Variants in OSBP2 observed in about 807,000 individuals in gnomAD.
OSBP2 encodes the protein oxysterol-binding protein 2.
Under a neutral mutation model 96.0 loss-of-function variants are expected in OSBP2, and 66 were observed. The observed-to-expected ratio is 0.69, with a 90% CI of 0.56 to 0.84. The LOEUF is 0.84. Among genes scored for constraint, OSBP2 ranks in the 40% least tolerant of loss-of-function variants. The pLI, the probability that OSBP2 is intolerant of heterozygous loss-of-function variation, is 0.00. For missense variants in OSBP2, 1,038 were observed against 1,222.7 expected (o/e 0.85, Z 2.25); for synonymous variants, 525 against 520.9 (o/e 1.01, Z -0.11).
At chr22:30,715,044 G>A (rs2089424713) in intron 1 of OSBP2, among the ~76,000 whole-genome samples, 1 of 151,764 alleles carries the variant, frequency 6.6e-6, no homozygotes, top group African/African-American at 2.4e-5. Flanking sequence ...CATTCCCACT[G>A]AAAATGTTTC....
At chr22:30,798,888 T>G (rs2090804681) in intron 2 of OSBP2, among the ~76,000 whole-genome samples, 1 of 151,912 alleles carries the variant, frequency 6.6e-6, no homozygotes, top group African/African-American at 2.4e-5. Context: ...GTGGCACACG[T>G]CTGTAGTCCC....
chr22:30,709,885 CT>C (rs1005643833), intron 1 of OSBP2, among the ~76,000 whole-genome samples: 121 of 141,752 alleles, frequency 8.5e-4, no homozygotes, highest in Middle Eastern at 7.7e-3. Context: ...GGCAGGGATA[CT>C]TTTTTTTTTT....
chr22:30,876,563 C>T (rs577797758), intron 3 of OSBP2, among the ~76,000 whole-genome samples: 13 of 152,332 alleles, frequency 8.5e-5, no homozygotes, highest in African/African-American at 3.1e-4. Context: ...AGCAGCCTCT[C>T]CCGACCCGTT....
At chr22:30,726,178 T>G (rs2089647666) in intron 1 of OSBP2, among the ~76,000 whole-genome samples, 1 of 152,218 alleles carries the variant, frequency 6.6e-6, no homozygotes, top group Non-Finnish European at 1.5e-5. Context: ...TCTCATCCTA[T>G]GTCTGTGTAA....
chr22:30,836,260 C>T (rs1009131345), intron 2 of OSBP2, among the ~76,000 whole-genome samples: 2 of 152,298 alleles, frequency 1.3e-5, no homozygotes, highest in East Asian at 1.9e-4. Flanking sequence ...TCCCCCTGCT[C>T]GCTTATCAGG....
At chr22:30,859,673 G>C (rs577967024) in intron 2 of OSBP2, among the ~76,000 whole-genome samples, 1 of 152,226 alleles carries the variant, frequency 6.6e-6, no homozygotes, top group Non-Finnish European at 1.5e-5. Flanking sequence ...CTATAACCAG[G>C]TGTAATATGG....
At chr22:30,763,911 G>A (rs1243327498) in intron 2 of OSBP2, among the ~76,000 whole-genome samples, 3 of 152,200 alleles carry the variant, frequency 2.0e-5, no homozygotes, top group Admixed American at 1.3e-4. Context: ...TCAGAAAAGA[G>A]ATAGTATCCT....
At chr22:30,752,256 A>G (rs1434863469) in intron 2 of OSBP2, among the ~76,000 whole-genome samples, 1 of 71,698 alleles carries the variant, frequency 1.4e-5, no homozygotes, top group Middle Eastern at 0.014. Context: ...AGGAATACTT[A>G]TTTCCAGGCC....
In OSBP2 at chr22:30,889,476, C is replaced by T. The variant is rs762626801; in HGVS notation, c.1477-14C>T. On this transcript the variant is annotated splice_polypyrimidine_tract_variant and intron_variant, in intron 6 of 13. Transcript: ENST00000332585. ...CCTCTGCTGACGGTGAGGGGGTCCC[C>T]ACTTATGTGGCAGGTACTAGATGGT... The T allele has an allele frequency of 6.2e-7, 1 of 1,614,002 alleles. No homozygotes were observed. Among genetic ancestry groups the T allele is most frequent in the Non-Finnish European group, 8.5e-7 (1 of 1,179,978 alleles).
At chr22:30,806,311 C>G (rs565669141) in intron 2 of OSBP2, among the ~76,000 whole-genome samples, 8 of 152,332 alleles carry the variant, frequency 5.3e-5, no homozygotes, top group African/African-American at 1.7e-4. Context: ...TCTCTCCTCA[C>G]ATTGGGGTGA....
chr22:30,890,084 C>G lies in OSBP2; in HGVS notation c.1623+448C>G, dbSNP rs1047059122. 1.3e-5 allele frequency among the ~76,000 whole-genome samples: 2 copies of G among 152,220 alleles called. No homozygotes were observed. The highest frequency in any genetic ancestry group is 4.8e-5 in the African/African-American group (2 of 41,454). On this transcript the variant is annotated intron_variant, in intron 7 of 13. Transcript: ENST00000332585. The surrounding 1 kb of genome is among the most constrained non-coding windows in gnomAD (Gnocchi z 4.4). ...CCACCTGGCTACAGTGGCATCTCCA[C>G]TAGGCCAGACGGTTCTGCTGTGTGA...
At chr22:30,827,593 T>C (rs2038430348) in intron 2 of OSBP2, among the ~76,000 whole-genome samples, 1 of 152,186 alleles carries the variant, frequency 6.6e-6, no homozygotes, top group Non-Finnish European at 1.5e-5. Flanking sequence ...AACAGACCTG[T>C]TGGGGAAGTG....
intron 2 of OSBP2, among the ~76,000 whole-genome samples, chr22:30,830,778 G>A (rs909139274): frequency 2.0e-5 from 3 of 152,062 alleles, no homozygotes; most frequent in Non-Finnish European, 4.4e-5. Context: ...ATGTTCAAGA[G>A]CATGGCGTTT....
intron 2 of OSBP2, among the ~76,000 whole-genome samples, chr22:30,806,541 T>G (rs891974672): frequency 1.3e-5 from 2 of 152,150 alleles, no homozygotes; most frequent in African/African-American, 4.8e-5. Context: ...GGAAATCAAC[T>G]AGGCCAACCT....
chr22:30,783,921 T>C (rs996813128), intron 2 of OSBP2, among the ~76,000 whole-genome samples: 1 of 152,328 alleles, frequency 6.6e-6, no homozygotes, highest in East Asian at 1.9e-4. Context: ...GAAATGCCCA[T>C]TGTAATCACT....
At chr22:30,774,659 C>A (rs1044149781) in intron 2 of OSBP2, among the ~76,000 whole-genome samples, 1 of 152,188 alleles carries the variant, frequency 6.6e-6, no homozygotes, top group Non-Finnish European at 1.5e-5. Flanking sequence ...TGCAAGAATT[C>A]CGGACAATCT....
intron 12 of OSBP2, among the ~76,000 whole-genome samples, chr22:30,903,200 TC>T (rs1352256525): frequency 6.6e-6 from 1 of 152,212 alleles, no homozygotes; most frequent in Non-Finnish European, 1.5e-5. Context: ...TCCTTTCACT[TC>T]CTCAGTGTTT....
intron 3 of OSBP2, among the ~76,000 whole-genome samples, chr22:30,876,445 C>T (rs1371074224): frequency 6.6e-6 from 1 of 152,226 alleles, no homozygotes; most frequent in Non-Finnish European, 1.5e-5. Context: ...GACTCCTTGC[C>T]GTCCCCCTCA....
intron 12 of OSBP2, among the ~76,000 whole-genome samples, chr22:30,899,581 TAAAGTGTTCCAGATCATAG>T (rs1163629918): frequency 1.3e-5 from 2 of 152,150 alleles, no homozygotes; most frequent in Non-Finnish European, 2.9e-5. Context: ...CAATTTCATA[TAAAGTGTTCCAGATCATAG>T]AAAAAGGAAA....
Sources: gnomAD v4.1 joint callset for allele counts (sites outside exome capture counted in the v4.1 genomes callset) on GRCh38, gnomAD v4.1.1 for gene constraint, Gnocchi (gnomAD v3.1) non-coding constraint, MANE v1.5 for transcripts, NCBI Gene and HGNC (gene_info 2026-07-23, HGNC 2026-07-21) for gene names.